The following KIF6 variants were observed in gnomAD, a reference collection of about 807,000 sequenced individuals.
KIF6 encodes kinesin family member 6, also known as kinesin-like protein KIF6.
In KIF6, 106 loss-of-function variants were observed where a neutral mutation model predicts 112.7. The ratio of observed to expected loss-of-function variants is 0.94; its 90% confidence interval spans 0.80 to 1.11. The LOEUF is 1.11. Ranked by LOEUF, KIF6 falls within the 50% of genes least tolerant of loss-of-function variation. The pLI is 0.00. For missense variants in KIF6, 929 were observed against 964.0 expected (o/e 0.96, Z 0.48); for synonymous variants, 339 against 339.9 (o/e 1.00, Z 0.03).
chr6:39,681,123 A>G (rs1384037108), intron 3 of KIF6, among the ~76,000 whole-genome samples: 3 of 152,198 alleles, frequency 2.0e-5, no homozygotes, highest in Admixed American at 2.0e-4. Flanking sequence ...AATAAAATAA[A>G]ATAAAAAATA....
chr6:39,429,636 G>T (rs752659380), intron 14 of KIF6, among the ~76,000 whole-genome samples: 1 of 152,152 alleles, frequency 6.6e-6, no homozygotes, highest in Admixed American at 6.5e-5. Context: ...TAGGCCAGGC[G>T]CAGTGGCTCA....
intron 5 of KIF6, among the ~76,000 whole-genome samples, chr6:39,621,968 C>T (rs1477811575): frequency 1.3e-5 from 2 of 151,972 alleles, no homozygotes; most frequent in Non-Finnish European, 2.9e-5. Context: ...GAGTTCAAGA[C>T]CAGCCTGGCC....
chr6:39,362,882 C>G (rs1035742688), intron 16 of KIF6, among the ~76,000 whole-genome samples: 2 of 152,230 alleles, frequency 1.3e-5, no homozygotes, highest in African/African-American at 2.4e-5. Flanking sequence ...GGCACAGTGG[C>G]TCACGCTTGT....
At chr6:39,607,583 C>CTTATTTATTTAT (rs150368183) in intron 6 of KIF6, among the ~76,000 whole-genome samples, 4 of 151,502 alleles carry the variant, frequency 2.6e-5, no homozygotes, top group South Asian at 4.2e-4. Flanking sequence ...AAATGCTATT[C>CTTATTTATTTAT]TTATTTATTT....
At chr6:39,591,898 G>A (rs1344458722) in intron 7 of KIF6, among the ~76,000 whole-genome samples, 1 of 152,038 alleles carries the variant, frequency 6.6e-6, no homozygotes, top group African/African-American at 2.4e-5. Flanking sequence ...GGATCACGAG[G>A]TCAGGAGATG....
chr6:39,450,333 G>A (rs17352737), intron 13 of KIF6, among the ~76,000 whole-genome samples: 2 of 152,180 alleles, frequency 1.3e-5, no homozygotes, highest in African/African-American at 2.4e-5. Context: ...TTTCATAGAT[G>A]CATTATCCTA....
At chr6:39,626,504 T>C (rs1007856465) in intron 5 of KIF6, among the ~76,000 whole-genome samples, 1 of 152,168 alleles carries the variant, frequency 6.6e-6, no homozygotes, top group Non-Finnish European at 1.5e-5. Context: ...TTAGCAGACA[T>C]GAAATCCTGG....
At chr6:39,533,319 T>G (rs1180130169) in intron 13 of KIF6, among the ~76,000 whole-genome samples, 1 of 152,238 alleles carries the variant, frequency 6.6e-6, no homozygotes, top group Admixed American at 6.5e-5. Context: ...AATACTGCGC[T>G]TTTCTGATGG....
At chr6:39,601,725 CA>C (rs1782584010) in intron 6 of KIF6, among the ~76,000 whole-genome samples, 2 of 151,728 alleles carry the variant, frequency 1.3e-5, no homozygotes, top group African/African-American at 4.8e-5. Flanking sequence ...CACACACACA[CA>C]CACACACACA....
intron 16 of KIF6, among the ~76,000 whole-genome samples, chr6:39,363,044 G>A (rs1324388994): frequency 1.3e-5 from 2 of 152,176 alleles, no homozygotes; most frequent in Non-Finnish European, 2.9e-5. Flanking sequence ...AGCTACTCGG[G>A]AGGCTGAGGC....
chr6:39,721,565 C>T lies in KIF6; in HGVS notation c.67-754G>A, dbSNP rs1790219709. Among the ~76,000 whole-genome samples the T allele has an allele frequency of 2.0e-5, 3 of 152,100 alleles. No individual in the cohort carries two copies. In the South Asian group the frequency reaches 6.2e-4, roughly 32 times the overall value. On this transcript the variant is annotated intron_variant, in intron 1 of 22. Transcript: ENST00000287152. ...TGGCCAGGAAAATTAAAAGTCAAGC[C>T]TATAAAGAGGTCATGTGGAATAAAT...
At chr6:39,446,104 A>C (rs1053297825) in intron 13 of KIF6, among the ~76,000 whole-genome samples, 2 of 152,160 alleles carry the variant, frequency 1.3e-5, no homozygotes, top group Non-Finnish European at 2.9e-5. Context: ...TAGGACTTGG[A>C]GGCAGAAGCC....
Position 39,592,115 on chromosome 6 carries a change from A to AAAACAAAC in KIF6, c.846+3931_846+3938dup, listed in dbSNP as rs139542052. ...CGACAGAGTGAGACTCCGTCTCAAA[A>AAAACAAAC]AAACAAACAAACAAACAAACAAACC... On this transcript the variant is annotated intron_variant, in intron 7 of 22. Transcript: ENST00000287152. Among the ~76,000 whole-genome samples the AAAACAAAC allele has an allele frequency of 5.1e-4, 77 of 151,928 alleles. 1 individual carries two copies. The highest frequency in any genetic ancestry group is 1.4e-3 in the African/African-American group (57 of 41,344).
intron 10 of KIF6, among the ~76,000 whole-genome samples, chr6:39,575,342 C>A (rs889776595): frequency 6.6e-6 from 1 of 151,662 alleles, no homozygotes; most frequent in African/African-American, 2.4e-5. Context: ...GCGATCTCGG[C>A]TCATTGCAAG....
chr6:39,362,342 C>T lies in KIF6; in HGVS notation c.1946+92G>A, dbSNP rs534265398. On this transcript the variant is annotated intron_variant, in intron 17 of 22. Coordinates refer to ENST00000287152, the MANE Select transcript of KIF6 (RefSeq NM_145027.6). ...TAGGATCCAGCTGCTGGACCCACAT[C>T]CCTGAGTAGCTGCAGCCCTGGGAAG... The T allele has an allele frequency of 3.0e-4, 279 of 945,292 alleles. 4 individuals are homozygous for T. In the South Asian group the frequency reaches 3.5e-3, roughly 12 times the overall value. 58.6% of individuals were successfully genotyped at this position (945,292 alleles called of 1,614,324 possible).
rs942882902 is a variant in KIF6, at chr6:39,378,265, C to T, written c.1861+7357G>A. ...CAACACACCACACACACACACAAAC[C>T]CACAAACCACACACACATACACACC... is the stretch of plus-strand genomic sequence containing the variant. On this transcript the variant is annotated intron_variant, in intron 16 of 22. Transcript: ENST00000287152. This position sits in a 1 kb window ranked among gnomAD's most constrained non-coding sequence, Gnocchi z 5.0. Among the ~76,000 whole-genome samples, 2 of 151,048 alleles carry T rather than the reference C, an allele frequency of 1.3e-5. No individual in the cohort carries two copies. The highest frequency in any genetic ancestry group is 4.9e-5 in the African/African-American group (2 of 41,056).
Position 39,342,777 on chromosome 6 carries a change from C to G in KIF6, c.2428+932G>C. On this transcript the variant is annotated intron_variant, in intron 22 of 22. Coordinates refer to ENST00000287152, the MANE Select transcript of KIF6 (RefSeq NM_145027.6). This position sits in a 1 kb window ranked among gnomAD's most constrained non-coding sequence, Gnocchi z 4.7. ...GTAAATAAGCAGGCTGGCGGCCAAG[C>G]AAGGCGAGTACAGGACCAAGGCCGG... 1 of 985,254 alleles carries G rather than the reference C, an allele frequency of 1.0e-6. No individual in the cohort carries two copies. Among genetic ancestry groups the G allele is most frequent in the Non-Finnish European group, 1.2e-6 (1 of 829,876 alleles). The allele number at this position is 985,254 out of a possible 1,614,324, so 61.0% of individuals were successfully genotyped here. A position where few individuals can be genotyped will look rare whatever the true frequency, so the allele number is the denominator to read the frequency against.
At chr6:39,416,438 T>C (rs1006021994) in intron 15 of KIF6, among the ~76,000 whole-genome samples, 1 of 152,174 alleles carries the variant, frequency 6.6e-6, no homozygotes, top group African/African-American at 2.4e-5. Context: ...ATGGAACAGG[T>C]AGATACAATA....
At chr6:39,349,414 G>C (rs1764042151) in intron 19 of KIF6, among the ~76,000 whole-genome samples, 2 of 152,018 alleles carry the variant, frequency 1.3e-5, no homozygotes, top group African/African-American at 4.8e-5. Flanking sequence ...GGCTGCAAGG[G>C]AGTATGACAA....
Sources: allele counts gnomAD v4.1 joint callset (sites outside exome capture counted in the v4.1 genomes callset), GRCh38; gene constraint gnomAD v4.1.1; non-coding constraint Gnocchi (gnomAD v3.1); transcripts MANE v1.5; gene names NCBI Gene and HGNC (gene_info 2026-07-23, HGNC 2026-07-21).